LSM6: variants seen among roughly 807,000 people sequenced by gnomAD.
LSM6 encodes U6 snRNA-associated Sm-like protein LSm6.
In LSM6, 2 loss-of-function variants were observed where a neutral mutation model predicts 13.5. The observed-to-expected ratio is 0.15, with a 90% CI of 0.06 to 0.47. The LOEUF is 0.47. Ranked by LOEUF, LSM6 falls within the 20% of genes least tolerant of loss-of-function variation. The pLI, the probability that LSM6 is intolerant of heterozygous loss-of-function variation, is 0.97. For synonymous variants in LSM6, 43 were observed against 34.9 expected (o/e 1.23, Z -0.82); for missense variants, 58 against 96.4 (o/e 0.60, Z 1.67).
intron 2 of LSM6, among the ~76,000 whole-genome samples, chr4:146,185,582 GT>G (rs1730328439): frequency 3.3e-5 from 5 of 150,958 alleles, no homozygotes; most frequent in Admixed American, 2.6e-4. Flanking sequence ...CTTGTTTTTG[GT>G]TTTGTATAGT....
At chr4:146,187,245 A>G (rs1383334761) in intron 2 of LSM6, 29 bp from the exon 3 acceptor site, 6 of 1,306,668 alleles carry the variant, frequency 4.6e-6, no homozygotes, top group Non-Finnish European at 6.7e-6. Context: ...TGCCTTGTGT[A>G]TCTTCTTTTT....
rs1183902972 is a variant in LSM6 at position 146,191,038 on chromosome 4, CAG to C, written c.*1384_*1385del. 1.3e-5 allele frequency: 2 copies of C among 152,164 alleles called. No individual in the cohort carries two copies. Among genetic ancestry groups the C allele is most frequent in the African/African-American group, 4.8e-5 (2 of 41,442 alleles). The allele number at this position is 152,164 out of a possible 1,614,324, so 9.4% of individuals were successfully genotyped here. On this transcript the variant is annotated 3_prime_UTR_variant, in exon 4 of 4. Transcript: ENST00000296581. ...TAATTAATAACTTGGGAAAGGTGAACAGAAGCATTTCACAGGGTTTTACCGTG... is the reference window on the plus strand; with the variant it reads ...TAATTAATAACTTGGGAAAGGTGAACAAGCATTTCACAGGGTTTTACCGTG...
At chr4:146,184,152 T>A (rs1730295694) in intron 2 of LSM6, among the ~76,000 whole-genome samples, 1 of 152,088 alleles carries the variant, frequency 6.6e-6, no homozygotes, top group African/African-American at 2.4e-5. Context: ...GACTTTTTTT[T>A]AATGCAGGCC....
intron 2 of LSM6, 175 bp downstream of exon 2, chr4:146,183,190 TG>T (rs746896190): frequency 3.0e-5 from 15 of 505,566 alleles, no homozygotes; most frequent in Non-Finnish European, 4.7e-5. Flanking sequence ...AGGACAACTC[TG>T]ACAGTATAGC....
chr4:146,175,949 GT>G (rs1239207032), intron 1 of LSM6, 138 bp downstream of exon 1: 1 of 152,472 alleles, frequency 6.6e-6, no homozygotes, highest in African/African-American at 2.4e-5. Flanking sequence ...AGGGCCTGCG[GT>G]GAACAGGCTG....
intron 1 of LSM6, chr4:146,176,139 G>T (rs1730101636): frequency 1.3e-5 from 2 of 152,326 alleles, no homozygotes; most frequent in African/African-American, 2.4e-5. Flanking sequence ...TGGCGTCCGA[G>T]ATCAATTCAG....
chr4:146,179,006 C>T (rs998014011), intron 1 of LSM6, among the ~76,000 whole-genome samples: 6 of 151,966 alleles, frequency 3.9e-5, no homozygotes, highest in Non-Finnish European at 7.4e-5. Flanking sequence ...TCTTTTTTTT[C>T]TTCATTCTTT....
Position 146,189,733 on chromosome 4 carries a change from GATACAATTTGTCC to G in LSM6, c.*78_*90del. ...TTTTTCTAATTTTTGCTTCTTTTGT[GATACAATTTGTCC>G]TCTTTTTATAATAGTTGGTGATTTT... On this transcript the variant is annotated 3_prime_UTR_variant, in exon 4 of 4. Coordinates refer to ENST00000296581, the MANE Select transcript of LSM6 (RefSeq NM_007080.3). 1 of 1,038,560 alleles carries G rather than the reference GATACAATTTGTCC, an allele frequency of 9.6e-7. No individual in the cohort carries two copies. Among genetic ancestry groups the G allele is most frequent in the Non-Finnish European group, 1.4e-6 (1 of 692,204 alleles). 64.3% of individuals were successfully genotyped at this position (1,038,560 alleles called of 1,614,324 possible).
intron 2 of LSM6, among the ~76,000 whole-genome samples, chr4:146,184,487 G>A (rs1020624274): frequency 2.0e-5 from 3 of 152,002 alleles, no homozygotes; most frequent in Admixed American, 6.6e-5. Context: ...CATTAATAAC[G>A]TATCTCCAGT....
intron 1 of LSM6, chr4:146,176,759 T>C (rs1412423609): frequency 6.6e-6 from 1 of 152,148 alleles, no homozygotes; most frequent in Non-Finnish European, 1.5e-5. Flanking sequence ...CATTTCCCGA[T>C]TGTGGGACAT....
At chr4:146,189,129 A>T (rs1232358320) in intron 3 of LSM6, among the ~76,000 whole-genome samples, 1 of 152,006 alleles carries the variant, frequency 6.6e-6, no homozygotes, top group Admixed American at 6.6e-5. Context: ...CGCTGGGACT[A>T]CAAGTGCATA....
At chr4:146,188,535 AC>A (rs1392481092) in intron 3 of LSM6, among the ~76,000 whole-genome samples, 32 of 152,092 alleles carry the variant, frequency 2.1e-4, no homozygotes, top group Admixed American at 2.0e-4. Flanking sequence ...GAGGATCTTG[AC>A]TTATTTGATT....
intron 1 of LSM6, among the ~76,000 whole-genome samples, chr4:146,180,100 G>A (rs1730200913): frequency 6.6e-6 from 1 of 152,210 alleles, no homozygotes; most frequent in African/African-American, 2.4e-5. Flanking sequence ...CAGCTAGGGG[G>A]TGACGCCTTT....
chr4:146,185,204 C>T (rs962848671), intron 2 of LSM6, among the ~76,000 whole-genome samples: 2 of 152,072 alleles, frequency 1.3e-5, no homozygotes, highest in Non-Finnish European at 2.9e-5. Flanking sequence ...ATTCCATGGC[C>T]CTGCATCAGG....
At chr4:146,186,257 G>A (rs1578681187) in intron 2 of LSM6, among the ~76,000 whole-genome samples, 1 of 152,204 alleles carries the variant, frequency 6.6e-6, no homozygotes, top group East Asian at 1.9e-4. Flanking sequence ...GCAGAATTCT[G>A]GTAGATTAAT....
chr4:146,178,441 C>T (rs1004999853), intron 1 of LSM6, among the ~76,000 whole-genome samples: 4 of 152,168 alleles, frequency 2.6e-5, no homozygotes, highest in African/African-American at 7.2e-5. Context: ...CAAAAGACAG[C>T]GAGGAACTCC....
chr4:146,176,687 G>A (rs987761411), intron 1 of LSM6: 1 of 151,726 alleles, frequency 6.6e-6, no homozygotes, highest in Non-Finnish European at 1.5e-5. Context: ...TTCTAATTTT[G>A]TATCTTCTTT....
At chr4:146,185,526 A>G (rs1392478454) in intron 2 of LSM6, among the ~76,000 whole-genome samples, 1 of 150,586 alleles carries the variant, frequency 6.6e-6, no homozygotes, top group Non-Finnish European at 1.5e-5. Context: ...AAAAAAAAAG[A>G]AAAACTCCAG....
chr4:146,182,798 G>C, intron 1 of LSM6, 114 bp from the exon 2 acceptor site: 1 of 649,270 alleles, frequency 1.5e-6, no homozygotes, highest in Non-Finnish European at 2.8e-6. Context: ...GCGTCTTCTC[G>C]CATGGTCCTT....
Sources: allele counts gnomAD v4.1 joint callset (sites outside exome capture counted in the v4.1 genomes callset), GRCh38; gene constraint gnomAD v4.1.1; transcripts MANE v1.5; gene names NCBI Gene and HGNC (gene_info 2026-07-23, HGNC 2026-07-21).